Variants in NHS observed in about 807,000 individuals in gnomAD.
NHS encodes NHS actin remodeling regulator.
NHS carries 5 observed loss-of-function variants against 72.5 expected under a neutral mutation model. The ratio of observed to expected loss-of-function variants is 0.07; its 90% CI spans 0.04 to 0.14. The LOEUF (loss-of-function observed/expected upper bound fraction) is 0.14. Among genes scored for constraint, NHS ranks in the 10% least tolerant of loss-of-function variants. The pLI, the probability that NHS is intolerant of heterozygous loss-of-function variation, is 1.00. For synonymous variants in NHS, 464 were observed against 547.7 expected (o/e 0.85, Z 2.13); for missense variants, 1,072 against 1,355.7 (o/e 0.79, Z 3.29).
chrX:17,564,528 T>C (rs1316908708), intron 1 of NHS, among the ~76,000 whole-genome samples: 1 of 112,298 alleles, frequency 8.9e-6, no homozygotes, highest in African/African-American at 3.2e-5. Flanking sequence ...TTCAGAATCA[T>C]GTACAAACAT....
intron 1 of NHS, among the ~76,000 whole-genome samples, chrX:17,399,103 T>C (rs1255564697): frequency 9.0e-6 from 1 of 110,954 alleles, no homozygotes; most frequent in Non-Finnish European, 1.9e-5. Flanking sequence ...TTCTCTTTTT[T>C]CTTTTCTTTT....
At chrX:17,419,689 A>T (rs1432560212) in intron 1 of NHS, among the ~76,000 whole-genome samples, 1 of 111,421 alleles carries the variant, frequency 9.0e-6, no homozygotes, top group Non-Finnish European at 1.9e-5. Flanking sequence ...GTGCGAATCC[A>T]TTAGTCATGG....
At chrX:17,646,260 G>A in intron 1 of NHS, among the ~76,000 whole-genome samples, 1 of 112,123 alleles carries the variant, frequency 8.9e-6, no homozygotes, top group Middle Eastern at 4.6e-3. Flanking sequence ...CCTTTTAGAA[G>A]TGAATTACTC....
chrX:17,516,571 GCACACACACACACACA>G (rs765423925), intron 1 of NHS, among the ~76,000 whole-genome samples: 9 of 91,774 alleles, frequency 9.8e-5, no homozygotes, highest in East Asian at 7.1e-4. Flanking sequence ...ACACACACGC[GCACACACACACACACA>G]CACACACACA....
Position 17,726,863 on chromosome X carries a change from A to G in NHS, c.2757A>G (p.Glu919=). ...AACCTTCTTGGATAAACCAGAGTGA[A>G]CAAGGCATTAAGGAACCTCAGTTAG... The part of the protein sequence containing the change: ...KQEPSWINQS[E]QGIKEPQLDA... Residue 919 remains glutamate (E), a synonymous_variant, in exon 7 of 9, where the codon GAA becomes GAG. Coordinates refer to ENST00000676302, the MANE Select transcript of NHS (RefSeq NM_001291867.2). 3.3e-6 allele frequency: 4 copies of G among 1,211,970 alleles called. No individual in the cohort carries two copies. Among genetic ancestry groups the G allele is most frequent in the Non-Finnish European group, 4.5e-6 (4 of 895,581 alleles).
chrX:17,696,452 G>C (rs748352373), intron 3 of NHS, among the ~76,000 whole-genome samples: 1 of 112,272 alleles, frequency 8.9e-6, no homozygotes, highest in South Asian at 3.7e-4. Flanking sequence ...TGGTCAAATT[G>C]AGAATGGCAA....
chrX:17,721,328 G>A, intron 4 of NHS, 113 bp from the exon 5 acceptor site: 1 of 672,485 alleles, frequency 1.5e-6, no homozygotes, highest in Non-Finnish European at 2.4e-6. Context: ...TTCTTCCTTT[G>A]TCCTAAGGGC....
At chrX:17,670,836 G>T (rs1424669706) in intron 1 of NHS, among the ~76,000 whole-genome samples, 2 of 111,801 alleles carry the variant, frequency 1.8e-5, no homozygotes, top group Admixed American at 9.5e-5. Flanking sequence ...GGGTTTGAGG[G>T]CTTAAAAAAA....
chrX:17,570,302 G>C (rs2065468801), intron 1 of NHS, among the ~76,000 whole-genome samples: 1 of 112,318 alleles, frequency 8.9e-6, no homozygotes, highest in Non-Finnish European at 1.9e-5. Flanking sequence ...CTATCCATGA[G>C]CATGAAATGT....
chrX:17,422,060 C>A (rs2064626660), intron 1 of NHS, among the ~76,000 whole-genome samples: 1 of 111,604 alleles, frequency 9.0e-6, no homozygotes, highest in South Asian at 3.8e-4. Flanking sequence ...CCTTCATGCA[C>A]CTTTTTCAGT....
At position 17,726,188 on chromosome X, in the gene NHS, G is replaced by A; in HGVS notation, c.2082G>A (p.Val694=). The change falls in exon 7 of 9, where the codon GTG becomes GTA. Residue 694 remains valine, a synonymous_variant. Transcript: ENST00000676302. The part of the protein sequence containing the change: ...TEQYNDHLDK[V]RGHRANSFTS... ...AATACAATGACCACTTGGATAAAGT[G>A]AGAGGCCATCGGGCAAACTCCTTTA... 5 of 1,212,061 alleles carry A rather than the reference G, an allele frequency of 4.1e-6. No homozygotes were observed. The highest frequency in any genetic ancestry group is 5.6e-6 in the Non-Finnish European group (5 of 895,601).
chrX:17,546,047 T>G (rs762923213), intron 1 of NHS, among the ~76,000 whole-genome samples: 11 of 111,599 alleles, frequency 9.9e-5, no homozygotes, highest in Non-Finnish European at 1.9e-4. Flanking sequence ...TATGAGAACT[T>G]TGGAGTTAAT....
At chrX:17,395,513 CT>C (rs2064470222) in intron 1 of NHS, among the ~76,000 whole-genome samples, 2 of 112,522 alleles carry the variant, frequency 1.8e-5, no homozygotes, top group Non-Finnish European at 3.8e-5. Flanking sequence ...ACACAAGTTT[CT>C]TTTCTAGCTC....
intron 1 of NHS, among the ~76,000 whole-genome samples, chrX:17,600,873 C>T (rs2065646447): frequency 9.0e-6 from 1 of 111,486 alleles, no homozygotes; most frequent in Non-Finnish European, 1.9e-5. Context: ...TGAGCTTTTC[C>T]ACTCTGGTAC....
chrX:17,666,220 C>T (rs1426143376), intron 1 of NHS, among the ~76,000 whole-genome samples: 1 of 112,025 alleles, frequency 8.9e-6, no homozygotes, highest in Non-Finnish European at 1.9e-5. Flanking sequence ...TGAAAAACCC[C>T]TATATTATTT....
chrX:17,392,817 A>C (rs1409382816), intron 1 of NHS, among the ~76,000 whole-genome samples: 3 of 112,261 alleles, frequency 2.7e-5, no homozygotes, highest in Non-Finnish European at 5.6e-5. Context: ...ACCTGGGACA[A>C]GATACAGAAC....
At chrX:17,529,556 C>T (rs1452903979) in intron 1 of NHS, among the ~76,000 whole-genome samples, 1 of 111,050 alleles carries the variant, frequency 9.0e-6, no homozygotes, top group East Asian at 2.8e-4. Flanking sequence ...AAAGCTGACG[C>T]GTTGTTTTTC....
chrX:17,397,640 C>T (rs2064483249), intron 1 of NHS, among the ~76,000 whole-genome samples: 1 of 112,227 alleles, frequency 8.9e-6, no homozygotes, highest in South Asian at 3.8e-4. Flanking sequence ...GGAGCCCTGG[C>T]CTTCTGCTCA....
chrX:17,509,637 A>G (rs1256066307), intron 1 of NHS, among the ~76,000 whole-genome samples: 1 of 112,416 alleles, frequency 8.9e-6, no homozygotes, highest in Non-Finnish European at 1.9e-5. Flanking sequence ...CCAGCTTTAT[A>G]ACTTGCATCT....
Sources: allele counts gnomAD v4.1 joint callset (sites outside exome capture counted in the v4.1 genomes callset), GRCh38; gene constraint gnomAD v4.1.1; transcripts MANE v1.5; gene names NCBI Gene and HGNC (gene_info 2026-07-23, HGNC 2026-07-21).